Variants in KCNMB4 observed in about 807,000 individuals in gnomAD.
KCNMB4 encodes potassium calcium-activated channel subfamily M regulatory beta subunit 4.
KCNMB4 carries 3 observed loss-of-function variants against 20.7 expected under a neutral mutation model. The ratio of observed to expected loss-of-function variants is 0.14; its 90% CI spans 0.07 to 0.37. The LOEUF is 0.37. Ranked by LOEUF, KCNMB4 falls within the 10% of genes least tolerant of loss-of-function variation. KCNMB4 has a pLI of 1.00. For synonymous variants in KCNMB4, 110 were observed against 113.4 expected (o/e 0.97, Z 0.19); for missense variants, 168 against 265.9 (o/e 0.63, Z 2.56).
In KCNMB4 at chr12:70,432,027, T is replaced by C. The variant is rs1869379116; in HGVS notation, c.*1374T>C. On this transcript the variant is annotated 3_prime_UTR_variant, in exon 3 of 3. Transcript: ENST00000258111. ...TAGTCCACATACCAATGTTTTCTTT[T>C]TTCTTTTTTTTTTTTTTTTTTGAGA... 7.2e-6 allele frequency: 1 copy of C among 139,154 alleles called. No individual in the cohort carries two copies. Among genetic ancestry groups the C allele is most frequent in the Non-Finnish European group, 1.6e-5 (1 of 63,238 alleles). 8.6% of individuals were successfully genotyped at this position (139,154 alleles called of 1,614,324 possible). A position where few individuals can be genotyped will look rare whatever the true frequency, so the allele number is the denominator to read the frequency against.
chr12:70,372,300 T>G (rs1329864839), intron 1 of KCNMB4, among the ~76,000 whole-genome samples: 3 of 152,216 alleles, frequency 2.0e-5, no homozygotes, highest in Non-Finnish European at 4.4e-5. Flanking sequence ...TAAGCGGGGC[T>G]GAAATATCAT....
intron 1 of KCNMB4, among the ~76,000 whole-genome samples, chr12:70,388,403 G>T (rs1232715293): frequency 6.6e-6 from 1 of 151,874 alleles, no homozygotes; most frequent in Non-Finnish European, 1.5e-5. Context: ...TAACTACATT[G>T]TTCTCCAGTT....
At chr12:70,429,559 C>T (rs1235755030) in intron 2 of KCNMB4, among the ~76,000 whole-genome samples, 7 of 151,074 alleles carry the variant, frequency 4.6e-5, no homozygotes, top group Non-Finnish European at 8.8e-5. Context: ...CCCAGCTACT[C>T]AGGAGGCTGA....
chr12:70,430,989 TA>T lies in KCNMB4; in HGVS notation c.*341del, dbSNP rs1326456164. On this transcript the variant is annotated 3_prime_UTR_variant, in exon 3 of 3. Transcript: ENST00000258111. Reference sequence around the variant, plus strand: ...ACAAACCATTATGATTTATGCTACTTAAAAATATTAAAATAGAGTGGTCTGT... The same window carrying T: ...ACAAACCATTATGATTTATGCTACTTAAAATATTAAAATAGAGTGGTCTGT... 3 of 163,286 alleles carry T rather than the reference TA, an allele frequency of 1.8e-5. No individual in the cohort carries two copies. Among genetic ancestry groups the T allele is most frequent in the African/African-American group, 7.2e-5 (3 of 41,906 alleles). The allele number at this position is 163,286 out of a possible 1,614,324, so 10.1% of individuals were successfully genotyped here.
intron 1 of KCNMB4, among the ~76,000 whole-genome samples, chr12:70,367,407 C>T (rs1469139290): frequency 6.6e-6 from 1 of 152,146 alleles, no homozygotes; most frequent in Non-Finnish European, 1.5e-5. Flanking sequence ...GTTAACTTTT[C>T]CTCCATTTAA....
Position 70,376,617 on chromosome 12 carries a change from C to T in KCNMB4, c.336+9547C>T, listed in dbSNP as rs368210931. On this transcript the variant is annotated intron_variant, in intron 1 of 2. Transcript: ENST00000258111. Reference sequence around the variant, plus strand: ...GCATGATGTCTCACGCCTGTAATCCCAGCACTTTGGGAGGCCAAAGCAGGA... The same window carrying T: ...GCATGATGTCTCACGCCTGTAATCCTAGCACTTTGGGAGGCCAAAGCAGGA... 1.3e-4 allele frequency among the ~76,000 whole-genome samples: 20 copies of T among 151,898 alleles called. No homozygotes were observed. The East Asian group carries it at 3.1e-3, about 24-fold the overall frequency.
At chr12:70,402,968 A>G (rs143028659) in intron 2 of KCNMB4, among the ~76,000 whole-genome samples, 3 of 152,300 alleles carry the variant, frequency 2.0e-5, no homozygotes, top group African/African-American at 4.8e-5. Context: ...CCTTGTTCAC[A>G]GTGAGTTCCT....
At chr12:70,373,660 C>G (rs548543314) in intron 1 of KCNMB4, among the ~76,000 whole-genome samples, 117 of 152,212 alleles carry the variant, frequency 7.7e-4, no homozygotes, top group Non-Finnish European at 1.0e-3. Flanking sequence ...AAGTCAAGGA[C>G]GGTTTTTGAG....
chr12:70,405,207 G>T (rs1285164758), intron 2 of KCNMB4, among the ~76,000 whole-genome samples: 1 of 152,144 alleles, frequency 6.6e-6, no homozygotes, highest in Non-Finnish European at 1.5e-5. Context: ...GCAACCTACA[G>T]AATAGGAGAA....
Position 70,430,503 on chromosome 12 carries a change from G to A in KCNMB4, c.483G>A (p.Leu161=). ...NQHQRPDDVL[L]HRTHDEIVLL... ...CTTGCAGACCAGATGATGTGCTTCT[G>A]CATCGCACTCATGATGAGATTGTCC... is the stretch of plus-strand genomic sequence containing the variant. The change falls in exon 3 of 3, where the codon CTG becomes CTA. Residue 161 remains leucine, a synonymous_variant. Transcript: ENST00000258111. 2.5e-6 allele frequency: 4 copies of A among 1,612,976 alleles called. No homozygotes were observed. Among genetic ancestry groups the A allele is most frequent in the Non-Finnish European group, 3.4e-6 (4 of 1,179,638 alleles).
chr12:70,405,295 G>T (rs1868568703), intron 2 of KCNMB4, among the ~76,000 whole-genome samples: 1 of 152,028 alleles, frequency 6.6e-6, no homozygotes, highest in Non-Finnish European at 1.5e-5. Flanking sequence ...AATAGTAAAA[G>T]AAACTAATAA....
chr12:70,383,075 A>G (rs1309026960), intron 1 of KCNMB4, among the ~76,000 whole-genome samples: 3 of 152,182 alleles, frequency 2.0e-5, no homozygotes, highest in Non-Finnish European at 4.4e-5. Flanking sequence ...AAAATACAGT[A>G]TTATAATCTC....
chr12:70,371,212 C>G (rs956067946), intron 1 of KCNMB4, among the ~76,000 whole-genome samples: 7 of 151,954 alleles, frequency 4.6e-5, no homozygotes, highest in African/African-American at 1.7e-4. Context: ...TAATAAAAAC[C>G]TAGAAACAAA....
intron 2 of KCNMB4, among the ~76,000 whole-genome samples, chr12:70,421,862 T>C (rs554192171): frequency 2.7e-5 from 4 of 150,404 alleles, no homozygotes; most frequent in African/African-American, 9.8e-5. Context: ...ATTACAGGCG[T>C]GAGCCAGCAT....
At chr12:70,407,709 C>T (rs1476963591) in intron 2 of KCNMB4, among the ~76,000 whole-genome samples, 4 of 151,878 alleles carry the variant, frequency 2.6e-5, no homozygotes, top group South Asian at 4.2e-4. Flanking sequence ...CCTCGTGATC[C>T]GCCCGCCTCA....
rs546679597 is a variant in KCNMB4, at chr12:70,366,536, G to T, written c.-199G>T. On this transcript the variant is annotated 5_prime_UTR_variant, in exon 1 of 3. Coordinates refer to ENST00000258111, the MANE Select transcript of KCNMB4 (RefSeq NM_014505.6). Reference sequence around the variant, plus strand: ...CAGGCGGCGGCTGGGGGGCTGGGGGGCGCTGCCGCCGCCGCCGCCGGGGGC... The same window carrying T: ...CAGGCGGCGGCTGGGGGGCTGGGGGTCGCTGCCGCCGCCGCCGCCGGGGGC... The T allele has an allele frequency of 1.2e-5, 2 of 161,238 alleles. No individual in the cohort carries two copies. The highest frequency in any genetic ancestry group is 6.5e-5 in the Admixed American group (1 of 15,298). The allele number at this position is 161,238 out of a possible 1,614,324, so 10.0% of individuals were successfully genotyped here. A position where few individuals can be genotyped will look rare whatever the true frequency, so the allele number is the denominator to read the frequency against.
chr12:70,422,687 A>G (rs1466203751), intron 2 of KCNMB4: 1 of 1,287,992 alleles, frequency 7.8e-7, no homozygotes, highest in Non-Finnish European at 1.0e-6. Flanking sequence ...GAAAGTCATA[A>G]GCATCCTTCT....
intron 1 of KCNMB4, among the ~76,000 whole-genome samples, chr12:70,372,542 AAG>A (rs1883616562): frequency 6.6e-6 from 1 of 152,090 alleles, no homozygotes; most frequent in South Asian, 2.1e-4. Flanking sequence ...GAATGAGGGA[AAG>A]AGGAGTTGAG....
At chr12:70,415,535 A>G (rs576768812) in intron 2 of KCNMB4, among the ~76,000 whole-genome samples, 29 of 152,348 alleles carry the variant, frequency 1.9e-4, no homozygotes, top group Middle Eastern at 3.4e-3. Context: ...TAAGATTGCT[A>G]TTATAACATT....
Sources: gnomAD v4.1 joint callset for allele counts (sites outside exome capture counted in the v4.1 genomes callset) on GRCh38, gnomAD v4.1.1 for gene constraint, MANE v1.5 for transcripts, NCBI Gene and HGNC (gene_info 2026-07-23, HGNC 2026-07-21) for gene names.